Variants in GSPT1 observed in about 807,000 individuals in gnomAD.
GSPT1 encodes the protein eukaryotic peptide chain release factor GTP-binding subunit ERF3A.
In GSPT1, 20 loss-of-function variants were observed where a neutral mutation model predicts 72.5. The observed-to-expected ratio is 0.28, with a 90% CI of 0.19 to 0.40. GSPT1 has a LOEUF of 0.40. GSPT1 is among the 10% of genes least tolerant of loss of function. The probability of loss-of-function intolerance (pLI) is 1.00; values close to 1 mark genes in which losing one functional copy is unlikely to be tolerated. For missense variants in GSPT1, 580 were observed against 811.9 expected, an observed-to-expected ratio of 0.71 and a Z score of 3.47; for synonymous variants, 334 against 293.5, an observed-to-expected ratio of 1.14 and a Z score of -1.41.
chr16:11,873,194 ATCTT>A, intron 14 of GSPT1, 23 bp from the exon 15 acceptor site: 1 of 1,278,004 alleles, frequency 7.8e-7, no homozygotes, highest in Non-Finnish European at 1.1e-6. Context: ...TTTTAAAAAA[ATCTT>A]TCAGTAGTTA....
At chr16:11,911,487 G>C (rs1480718416) in intron 1 of GSPT1, among the ~76,000 whole-genome samples, 1 of 151,524 alleles carries the variant, frequency 6.6e-6, no homozygotes, top group African/African-American at 2.4e-5. Context: ...CTGGGCTCAA[G>C]AGATCCTCCC....
intron 11 of GSPT1, among the ~76,000 whole-genome samples, chr16:11,879,751 A>AC (rs956157096): frequency 5.4e-4 from 82 of 151,090 alleles, no homozygotes; most frequent in Non-Finnish European, 7.7e-4. Flanking sequence ...AAAAAAAAAA[A>AC]AAAACAAAAC....
intron 3 of GSPT1, among the ~76,000 whole-genome samples, chr16:11,897,144 C>T (rs1372688811): frequency 1.3e-5 from 2 of 152,268 alleles, no homozygotes; most frequent in African/African-American, 2.4e-5. Flanking sequence ...AGTTTAAAAT[C>T]GTGACACACG....
chr16:11,892,851 A>AAAAAAAAAAAAAAAAGAAAG (rs1567443552), intron 5 of GSPT1, among the ~76,000 whole-genome samples: 1 of 144,032 alleles, frequency 6.9e-6, no homozygotes, highest in African/African-American at 2.6e-5. Context: ...AAAAAAAAAA[A>AAAAAAAAAAAAAAAAGAAAG]AAAAGAAAAG....
At chr16:11,891,453 C>T (rs1438876956) in intron 5 of GSPT1, among the ~76,000 whole-genome samples, 1 of 151,148 alleles carries the variant, frequency 6.6e-6, no homozygotes, top group Non-Finnish European at 1.5e-5. Context: ...CCTCTGCCTC[C>T]TGGGTTCAAG....
chr16:11,896,700 GGAA>G lies in GSPT1; in HGVS notation c.519_521del (p.Ser174del). On this transcript the variant is annotated inframe_deletion, in exon 4 of 15. Coordinates refer to ENST00000434724, the MANE Select transcript of GSPT1 (RefSeq NM_002094.4). ...CCTCTGGCGGCCTTCCATCTCCCAA[GGAA>G]CCACCCCCTGGCTCTGCTTCACTTA... 1 of 1,608,024 alleles carries G rather than the reference GGAA, an allele frequency of 6.2e-7. No homozygotes were observed. Among genetic ancestry groups the G allele is most frequent in the South Asian group, 1.1e-5 (1 of 89,672 alleles).
Position 11,891,051 on chromosome 16 carries a change from GT to G in GSPT1, c.776+10del. The stretch of plus-strand genomic sequence containing the variant: ...AAAGTAATTTATAAGTGTCATAAAA[GT>G]TTACTATACCAAGTTTCTCTGTTTT... On this transcript the variant is annotated intron_variant, in intron 6 of 14. Coordinates refer to ENST00000434724, the MANE Select transcript of GSPT1 (RefSeq NM_002094.4). 7.8e-7 allele frequency: 1 copy of G among 1,286,980 alleles called. No homozygotes were observed. Among genetic ancestry groups the G allele is most frequent in the Non-Finnish European group, 1.1e-6 (1 of 916,898 alleles). The allele number at this position is 1,286,980 out of a possible 1,614,324, so 79.7% of individuals were successfully genotyped here.
chr16:11,904,004 T>A (rs1212981222), intron 1 of GSPT1: 1 of 220,130 alleles, frequency 4.5e-6, no homozygotes, highest in Admixed American at 4.2e-5. Flanking sequence ...ATGCCTTCTT[T>A]CTTGGTTCAC....
At chr16:11,876,216 G>A (rs751389851) in intron 12 of GSPT1, 41 bp from the exon 13 acceptor site, 3 of 1,225,150 alleles carry the variant, frequency 2.4e-6, no homozygotes, top group African/African-American at 3.0e-5. Flanking sequence ...TAGCCTTAGG[G>A]TAAATAAGAA....
chr16:11,894,496 G>C (rs1381077632), intron 5 of GSPT1, among the ~76,000 whole-genome samples: 1 of 152,102 alleles, frequency 6.6e-6, no homozygotes, highest in East Asian at 1.9e-4. Flanking sequence ...AGATTCAAGA[G>C]CTGGTTGTCA....
intron 5 of GSPT1, among the ~76,000 whole-genome samples, chr16:11,891,798 G>A (rs1418795111): frequency 6.6e-6 from 1 of 151,604 alleles, no homozygotes; most frequent in Non-Finnish European, 1.5e-5. Flanking sequence ...AAGTAGCTGG[G>A]ATTACAGGCG....
intron 1 of GSPT1, among the ~76,000 whole-genome samples, chr16:11,900,695 G>C (rs958793264): frequency 6.6e-6 from 1 of 152,148 alleles, no homozygotes; most frequent in African/African-American, 2.4e-5. Flanking sequence ...GATGTACTGC[G>C]TATCTTAAGG....
Position 11,915,414 on chromosome 16 carries a change from C to A in GSPT1, c.307G>T (p.Ala103Ser), listed in dbSNP as rs755929307. Residue 103 changes from alanine to serine, a missense_variant, in exon 1 of 15, where the codon GCC becomes TCC. By Grantham distance (99) the Ala-to-Ser change is moderately conservative. This residue lies in a region of GSPT1 where 327 missense variants were observed against 298.8 expected (regional missense o/e 1.09). Transcript: ENST00000434724. The part of the protein sequence containing the change: ...PAAPPPPVGG[A>S]ANNHGAGSGA... ...CTGCCGGCTCCGTGGTTATTGGCGG[C>A]GCCGCCAACTGGGGGTGGCGGCGCT... 6.6e-7 allele frequency: 1 copy of A among 1,507,308 alleles called. No homozygotes were observed. Among genetic ancestry groups the A allele is most frequent in the Admixed American group, 2.2e-5 (1 of 44,682 alleles). 93.4% of individuals were successfully genotyped at this position (1,507,308 alleles called of 1,614,324 possible).
At chr16:11,878,595 A>T (rs201776273) in intron 11 of GSPT1, among the ~76,000 whole-genome samples, 1 of 40,316 alleles carries the variant, frequency 2.5e-5, no homozygotes, top group South Asian at 7.4e-4. Context: ...CCCTGTCTTT[A>T]AAAAAAAAAA....
intron 10 of GSPT1, among the ~76,000 whole-genome samples, chr16:11,884,225 A>C (rs2054159404): frequency 6.6e-6 from 1 of 152,202 alleles, no homozygotes; most frequent in Non-Finnish European, 1.5e-5. Flanking sequence ...ACTAACACTC[A>C]TGCTGCTAGT....
At chr16:11,903,679 A>G (rs529833731) in intron 1 of GSPT1, among the ~76,000 whole-genome samples, 1 of 152,330 alleles carries the variant, frequency 6.6e-6, no homozygotes, top group East Asian at 1.9e-4. Context: ...CCACGGTGTG[A>G]GACCCTGTCT....
At chr16:11,885,727 A>C (rs1002553389) in intron 9 of GSPT1, among the ~76,000 whole-genome samples, 16 of 152,116 alleles carry the variant, frequency 1.1e-4, no homozygotes, top group African/African-American at 3.6e-4. Context: ...ATCTGTCTCT[A>C]CTAAAAATAC....
chr16:11,912,174 C>A (rs1490704598), intron 1 of GSPT1, among the ~76,000 whole-genome samples: 1 of 151,396 alleles, frequency 6.6e-6, no homozygotes, highest in African/African-American at 2.4e-5. Flanking sequence ...GAAACCCCAT[C>A]CCTGCAAAAA....
At chr16:11,897,540 GCAC>G (rs2054355524) in intron 3 of GSPT1, among the ~76,000 whole-genome samples, 1 of 152,088 alleles carries the variant, frequency 6.6e-6, no homozygotes, top group Non-Finnish European at 1.5e-5. Flanking sequence ...ACCCAAGATT[GCAC>G]CACTACACTC....
Sources: allele counts gnomAD v4.1 joint callset (sites outside exome capture counted in the v4.1 genomes callset), GRCh38; gene constraint gnomAD v4.1.1; regional missense constraint gnomAD v4.1.1; transcripts MANE v1.5; gene names NCBI Gene and HGNC (gene_info 2026-07-23, HGNC 2026-07-21).